DHRSX: variants seen among roughly 807,000 people sequenced by gnomAD.
The protein encoded by DHRSX is dehydrogenase/reductase X-linked.
DHRSX carries 31 observed loss-of-function variants against 34.0 expected under a neutral mutation model. The observed-to-expected ratio is 0.91, with a 90% CI of 0.69 to 1.23. The LOEUF (loss-of-function observed/expected upper bound fraction) is 1.23, where lower values mean the gene tolerates loss of function less well. Among genes scored for constraint, DHRSX ranks in the 50% most tolerant of loss-of-function variants. The pLI, the probability that DHRSX is intolerant of heterozygous loss-of-function variation, is 0.00. For missense variants in DHRSX, 414 were observed against 428.1 expected (o/e 0.97, Z 0.29); for synonymous variants, 201 against 183.8 (o/e 1.09, Z -0.76).
At chrX:2,493,071 C>T (rs2045196826) in intron 1 of DHRSX, among the ~76,000 whole-genome samples, 1 of 152,206 alleles carries the variant, frequency 6.6e-6, no homozygotes, top group Non-Finnish European at 1.5e-5. Flanking sequence ...AGTGCCACTT[C>T]CCAAGACTGG....
chrX:2,289,502 A>G (rs2041842670), intron 4 of DHRSX, among the ~76,000 whole-genome samples: 2 of 152,156 alleles, frequency 1.3e-5, no homozygotes, highest in Non-Finnish European at 2.9e-5. Context: ...TCCTAAGAGG[A>G]TGGACAGTTC....
intron 3 of DHRSX, among the ~76,000 whole-genome samples, chrX:2,392,781 A>G (rs1487688817): frequency 1.4e-5 from 2 of 139,044 alleles, no homozygotes; most frequent in African/African-American, 5.2e-5. Context: ...TACTATTTAT[A>G]GAATAGCATA....
chrX:2,436,756 C>T (rs1275376290), intron 1 of DHRSX, among the ~76,000 whole-genome samples: 1 of 151,954 alleles, frequency 6.6e-6, no homozygotes, highest in Admixed American at 6.6e-5. Context: ...CTCAGTCCCC[C>T]AAGTAGCTGG....
At chrX:2,233,138 G>A (rs2015935851) in intron 6 of DHRSX, among the ~76,000 whole-genome samples, 1 of 152,138 alleles carries the variant, frequency 6.6e-6, no homozygotes, top group Admixed American at 6.6e-5. Context: ...CTTCCTATCT[G>A]GCCGACCTCC....
chrX:2,298,619 C>CGT (rs1348671475), intron 3 of DHRSX, among the ~76,000 whole-genome samples: 6 of 150,936 alleles, frequency 4.0e-5, no homozygotes, highest in African/African-American at 1.2e-4. Flanking sequence ...CACACACACA[C>CGT]ACACACACAC....
intron 6 of DHRSX, among the ~76,000 whole-genome samples, chrX:2,228,848 TA>T: frequency 6.6e-6 from 1 of 152,252 alleles, no homozygotes; most frequent in South Asian, 2.1e-4. Flanking sequence ...ACTTAACTTG[TA>T]TTAGACATGC....
chrX:2,482,606 T>A (rs780468527), intron 1 of DHRSX, among the ~76,000 whole-genome samples: 20 of 152,272 alleles, frequency 1.3e-4, no homozygotes, highest in African/African-American at 4.8e-4. Context: ...ATTCTTTGCA[T>A]TTCTTTCCCT....
At chrX:2,367,630 A>C (rs1375744115) in intron 3 of DHRSX, among the ~76,000 whole-genome samples, 1 of 152,208 alleles carries the variant, frequency 6.6e-6, no homozygotes, top group Non-Finnish European at 1.5e-5. Context: ...TAAGTTATAA[A>C]GTCATTTTTT....
intron 6 of DHRSX, among the ~76,000 whole-genome samples, chrX:2,239,613 A>C (rs774151055): frequency 6.6e-6 from 1 of 151,768 alleles, no homozygotes; most frequent in East Asian, 1.9e-4. Flanking sequence ...AAAAAATAAA[A>C]AAAAAATTAG....
chrX:2,275,325 C>T (rs1405706765), intron 4 of DHRSX, among the ~76,000 whole-genome samples: 1 of 138,098 alleles, frequency 7.2e-6, no homozygotes, highest in Non-Finnish European at 1.6e-5. Context: ...TGGTGAAACC[C>T]CGTCTCTACT....
At chrX:2,273,926 C>T (rs1331625335) in intron 4 of DHRSX, among the ~76,000 whole-genome samples, 5 of 152,222 alleles carry the variant, frequency 3.3e-5, no homozygotes, top group South Asian at 2.1e-4. Flanking sequence ...GGGGAAGCTG[C>T]GTGAGAATTC....
intron 3 of DHRSX, among the ~76,000 whole-genome samples, chrX:2,327,851 T>A (rs1468584797): frequency 6.6e-6 from 1 of 151,560 alleles, no homozygotes; most frequent in Non-Finnish European, 1.5e-5. Flanking sequence ...GAGGCTGAGG[T>A]GGGTGGATCA....
At chrX:2,341,743 T>TA in intron 3 of DHRSX, among the ~76,000 whole-genome samples, 1 of 152,014 alleles carries the variant, frequency 6.6e-6, no homozygotes, top group African/African-American at 2.4e-5. Flanking sequence ...TACAAAATGC[T>TA]CCCTGATAAG....
At chrX:2,231,150 AC>A (rs1352370654) in intron 6 of DHRSX, among the ~76,000 whole-genome samples, 1 of 152,090 alleles carries the variant, frequency 6.6e-6, no homozygotes, top group African/African-American at 2.4e-5. Context: ...TCCAAAGAGG[AC>A]ACTTCTTTTT....
At position 2,374,739 on chromosome X, in the gene DHRSX, C is replaced by CA. The variant is rs773138430; in HGVS notation, c.286+34005dup. The stretch of plus-strand genomic sequence containing the variant: ...GGGTGACAACAGCGAGACTCCATCT[C>CA]AAAAAAACCAAAAAACAAAAAACGA... On this transcript the variant is annotated intron_variant, in intron 3 of 6. Coordinates refer to ENST00000334651, the MANE Select transcript of DHRSX (RefSeq NM_145177.3). 9.7e-5 allele frequency among the ~76,000 whole-genome samples: 13 copies of CA among 134,470 alleles called. 1 individual carries two copies. The East Asian group carries it at 1.0e-3, about 11-fold the overall frequency. The allele number at this position is 134,470 out of a possible 152,430, so 88.2% of individuals were successfully genotyped here.
At position 2,463,465 on chromosome X, in the gene DHRSX, A is replaced by G. The variant is rs777738121; in HGVS notation, c.109+37352T>C. Among the ~76,000 whole-genome samples the G allele has an allele frequency of 1.2e-4, 19 of 152,086 alleles. No individual in the cohort carries two copies. The East Asian group carries it at 2.9e-3, about 23-fold the overall frequency. On this transcript the variant is annotated intron_variant, in intron 1 of 6. Transcript: ENST00000334651. ...TCCTCCCAAGTCTACACGGATATAA[A>G]GAAACACACTAGAGGTCTCTGATGC...
At chrX:2,369,454 G>C (rs753803480) in intron 3 of DHRSX, among the ~76,000 whole-genome samples, 1 of 152,044 alleles carries the variant, frequency 6.6e-6, no homozygotes, top group African/African-American at 2.4e-5. Flanking sequence ...GTATTCGTGA[G>C]GGGCTAAGGG....
At chrX:2,314,493 G>A (rs2042218194) in intron 3 of DHRSX, among the ~76,000 whole-genome samples, 2 of 112,462 alleles carry the variant, frequency 1.8e-5, no homozygotes, top group Admixed American at 9.3e-5. Flanking sequence ...AAGGAAGGGA[G>A]GTAAAGGAGG....
At chrX:2,451,262 G>C (rs1460996215) in intron 1 of DHRSX, among the ~76,000 whole-genome samples, 1 of 146,902 alleles carries the variant, frequency 6.8e-6, no homozygotes, top group Non-Finnish European at 1.5e-5. Context: ...GTTGCATCAA[G>C]AATGAAAGGT....
Sources: allele counts gnomAD v4.1 joint callset (sites outside exome capture counted in the v4.1 genomes callset), GRCh38; gene constraint gnomAD v4.1.1; transcripts MANE v1.5; gene names NCBI Gene and HGNC (gene_info 2026-07-23, HGNC 2026-07-21).